Variants in BMP2K observed in about 807,000 individuals in gnomAD.
BMP2K encodes BMP-2-inducible protein kinase.
Under a neutral mutation model 116.0 loss-of-function variants are expected in BMP2K, and 74 were observed. The ratio of observed to expected loss-of-function variants is 0.64; its 90% confidence interval spans 0.53 to 0.77. The LOEUF (loss-of-function observed/expected upper bound fraction) is 0.77. Among genes scored for constraint, BMP2K ranks in the 30% least tolerant of loss-of-function variants. BMP2K has a pLI of 0.00. For missense variants in BMP2K, 1,365 were observed against 1,403.6 expected (o/e 0.97, Z 0.44); for synonymous variants, 486 against 502.5 (o/e 0.97, Z 0.44).
Position 78,870,840 on chromosome 4 carries a change from A to C in BMP2K, c.1289A>C (p.Gln430Pro). The C allele has an allele frequency of 1.2e-6, 2 of 1,614,106 alleles. No homozygotes were observed. The highest frequency in any genetic ancestry group is 1.7e-6 in the Non-Finnish European group (2 of 1,180,012). ...EILLGQGPPQQPPQQHRVLQQ... is the reference protein window; with the variant it reads ...EILLGQGPPQPPPQQHRVLQQ... ...TTATTGGGTCAGGGACCTCCTCAGCAGCCGCCACAGCAGCATAGAGTACTC... is the reference window on the plus strand; with the variant it reads ...TTATTGGGTCAGGGACCTCCTCAGCCGCCGCCACAGCAGCATAGAGTACTC... Residue 430 changes from glutamine (Q) to proline (P), a missense_variant, in exon 11 of 16, where the codon CAG becomes CCG. Transcript: ENST00000502613.
At chr4:78,787,046 G>C (rs1262085095) in intron 1 of BMP2K, among the ~76,000 whole-genome samples, 1 of 152,096 alleles carries the variant, frequency 6.6e-6, no homozygotes, top group Non-Finnish European at 1.5e-5. Context: ...GAGGCACCAT[G>C]CTTGGCCTTG....
At chr4:78,824,997 C>T (rs1031958802) in intron 1 of BMP2K, among the ~76,000 whole-genome samples, 5 of 152,048 alleles carry the variant, frequency 3.3e-5, no homozygotes, top group African/African-American at 9.7e-5. Flanking sequence ...ATCAGGAATT[C>T]GAGACCAGCA....
In BMP2K at chr4:78,914,209, A is replaced by G. The variant is rs1330902058; in HGVS notation, c.*2176A>G. Reference sequence around the variant, plus strand: ...ACTAATGTCTCCTTCAGATGTAAACATGAAATACCTAGAGTTTTACTTGCT... The same window carrying G: ...ACTAATGTCTCCTTCAGATGTAAACGTGAAATACCTAGAGTTTTACTTGCT... On this transcript the variant is annotated 3_prime_UTR_variant, in exon 16 of 16. Coordinates refer to ENST00000502613, the MANE Select transcript of BMP2K (RefSeq NM_198892.2). 1 of 152,136 alleles carries G rather than the reference A, an allele frequency of 6.6e-6. No homozygotes were observed. Among genetic ancestry groups the G allele is most frequent in the African/African-American group, 2.4e-5 (1 of 41,452 alleles). 9.4% of individuals were successfully genotyped at this position (152,136 alleles called of 1,614,324 possible).
intron 1 of BMP2K, among the ~76,000 whole-genome samples, chr4:78,824,924 A>G (rs533734850): frequency 6.6e-6 from 1 of 152,318 alleles, no homozygotes; most frequent in South Asian, 2.1e-4. Flanking sequence ...ATTCCCAGCC[A>G]GGCACTGTGG....
intron 1 of BMP2K, among the ~76,000 whole-genome samples, chr4:78,821,768 A>G (rs1459921984): frequency 6.6e-6 from 1 of 152,192 alleles, no homozygotes; most frequent in Non-Finnish European, 1.5e-5. Context: ...TAGTTAATCA[A>G]TTAATAACTA....
chr4:78,843,762 T>G (rs946309242), intron 4 of BMP2K, among the ~76,000 whole-genome samples: 3 of 151,836 alleles, frequency 2.0e-5, no homozygotes, highest in Non-Finnish European at 4.4e-5. Flanking sequence ...TTTCCCCTAA[T>G]AATTTGATAC....
At chr4:78,870,110 T>G (rs1052752040) in intron 10 of BMP2K, among the ~76,000 whole-genome samples, 2 of 152,218 alleles carry the variant, frequency 1.3e-5, no homozygotes, top group East Asian at 3.8e-4. Context: ...TTTTAAAGTT[T>G]ATTCATAGGA....
At chr4:78,788,450 G>C (rs1337126324) in intron 1 of BMP2K, among the ~76,000 whole-genome samples, 1 of 150,998 alleles carries the variant, frequency 6.6e-6, no homozygotes, top group Non-Finnish European at 1.5e-5. Context: ...CATTAGCACA[G>C]TATTATGGTT....
At chr4:78,808,705 G>A (rs1728942023) in intron 1 of BMP2K, among the ~76,000 whole-genome samples, 1 of 152,008 alleles carries the variant, frequency 6.6e-6, no homozygotes, top group Non-Finnish European at 1.5e-5. Context: ...CCTTGTGATT[G>A]CTTCTTTGAT....
chr4:78,825,485 CA>C (rs1163770328), intron 1 of BMP2K, among the ~76,000 whole-genome samples: 1 of 152,216 alleles, frequency 6.6e-6, no homozygotes, highest in Non-Finnish European at 1.5e-5. Flanking sequence ...TCATTCCCTG[CA>C]ACTCGGGCTG....
At position 78,780,225 on chromosome 4, in the gene BMP2K, G is replaced by C. The variant is rs190078254; in HGVS notation, c.178+3504G>C. 1.1e-3 allele frequency among the ~76,000 whole-genome samples: 172 copies of C among 152,244 alleles called. 1 individual carries two copies. The highest frequency in any genetic ancestry group is 4.0e-3 in the African/African-American group (168 of 41,534). On this transcript the variant is annotated intron_variant, in intron 1 of 15. Coordinates refer to ENST00000502613, the MANE Select transcript of BMP2K (RefSeq NM_198892.2). Reference sequence around the variant, plus strand: ...CTTGGTACAAAATGGACCTAAAATGGGGTGTTGAGACTGGGAGAGCAGAGA... The same window carrying C: ...CTTGGTACAAAATGGACCTAAAATGCGGTGTTGAGACTGGGAGAGCAGAGA...
rs189080275 is a variant in BMP2K at position 78,911,332 on chromosome 4, G to A, written c.2785G>A (p.Val929Ile). ...TACTATCCCTGGTTATCCCAAAAGT[G>A]TAGATGTATTTGGCTCCACTCCATT... ...AHTIPGYPKS[V>I]DVFGSTPFQP... The change falls in exon 16 of 16, where the codon GTA becomes ATA. Residue 929 changes from valine (V) to isoleucine (I), a missense_variant. Val to Ile is a conservative substitution (Grantham distance 29, BLOSUM62 3). This residue lies in a region of BMP2K where 596 missense variants were observed against 623.2 expected (regional missense o/e 0.96). Transcript: ENST00000502613. 162 of 1,613,914 alleles carry A rather than the reference G, an allele frequency of 1.0e-4. 1 individual carries two copies. In the Admixed American group the frequency reaches 2.7e-3, roughly 27 times the overall value.
intron 1 of BMP2K, among the ~76,000 whole-genome samples, chr4:78,797,659 T>A (rs1578475125): frequency 6.6e-6 from 1 of 152,220 alleles, no homozygotes; most frequent in East Asian, 1.9e-4. Flanking sequence ...TTATTAAGTT[T>A]TAAAAGTTTC....
At chr4:78,903,389 G>A (rs1734117174) in intron 15 of BMP2K, among the ~76,000 whole-genome samples, 2 of 151,774 alleles carry the variant, frequency 1.3e-5, no homozygotes, top group Admixed American at 1.3e-4. Flanking sequence ...GCTTCTTGAA[G>A]TCTGGTATTG....
chr4:78,910,653 A>T lies in BMP2K; in HGVS notation c.2106A>T (p.Glu702Asp). Residue 702 changes from glutamate to aspartate, a missense_variant, in exon 16 of 16, where the codon GAA becomes GAT. Transcript: ENST00000502613. The part of the protein sequence containing the change: ...KKAEHSSINQ[E>D]NGTANPIKNG... The stretch of plus-strand genomic sequence containing the variant: ...CTGAACATTCATCTATAAATCAAGA[A>T]AATGGCACTGCAAACCCTATCAAGA... 1 of 1,565,556 alleles carries T rather than the reference A, an allele frequency of 6.4e-7. No individual in the cohort carries two copies. The highest frequency in any genetic ancestry group is 8.6e-7 in the Non-Finnish European group (1 of 1,163,802).
intron 2 of BMP2K, among the ~76,000 whole-genome samples, chr4:78,827,676 C>T (rs182719762): frequency 2.6e-5 from 4 of 152,130 alleles, no homozygotes; most frequent in Admixed American, 2.6e-4. Context: ...GTTGTGTGGC[C>T]AGGCCATTGA....
chr4:78,825,770 A>G (rs1040404510), intron 1 of BMP2K, among the ~76,000 whole-genome samples: 1 of 152,216 alleles, frequency 6.6e-6, no homozygotes, highest in African/African-American at 2.4e-5. Flanking sequence ...ATACTACATA[A>G]AAGGTATTCT....
rs557862856 is a variant in BMP2K, at chr4:78,873,226, A to G, written c.1793+428A>G. 1.6e-4 allele frequency among the ~76,000 whole-genome samples: 24 copies of G among 152,322 alleles called. 1 individual carries two copies. In the South Asian group the frequency reaches 4.4e-3, roughly 28 times the overall value. On this transcript the variant is annotated intron_variant, in intron 13 of 15. Coordinates refer to ENST00000502613, the MANE Select transcript of BMP2K (RefSeq NM_198892.2). ...TAATTTAATTTAAATAGGTATAAAC[A>G]TTTTTACATATATGTATTTTAAGAT...
intron 1 of BMP2K, among the ~76,000 whole-genome samples, chr4:78,796,885 C>G (rs1331804785): frequency 6.6e-6 from 1 of 151,874 alleles, no homozygotes; most frequent in East Asian, 1.9e-4. Context: ...AAAATGTGAC[C>G]GTGATGTAGG....
Sources: gnomAD v4.1 joint callset for allele counts (sites outside exome capture counted in the v4.1 genomes callset) on GRCh38, gnomAD v4.1.1 for gene constraint, gnomAD v4.1.1 regional missense constraint, MANE v1.5 for transcripts, NCBI Gene and HGNC (gene_info 2026-07-23, HGNC 2026-07-21) for gene names.